Variants in FRMD6 observed in about 807,000 individuals in gnomAD.
FRMD6 encodes FERM domain-containing protein 6.
Under a neutral mutation model 73.2 loss-of-function variants are expected in FRMD6, and 37 were observed. The ratio of observed to expected loss-of-function variants is 0.51; its 90% confidence interval spans 0.39 to 0.66. The LOEUF (loss-of-function observed/expected upper bound fraction) is 0.66, where lower values mean the gene tolerates loss of function less well. Among genes scored for constraint, FRMD6 ranks in the 30% least tolerant of loss-of-function variants. The pLI, the probability that FRMD6 is intolerant of heterozygous loss-of-function variation, is 0.00. For missense variants in FRMD6, 714 were observed against 780.5 expected (o/e 0.91, Z 1.02); for synonymous variants, 273 against 282.2 (o/e 0.97, Z 0.33).
intron 2 of FRMD6, among the ~76,000 whole-genome samples, chr14:51,607,786 C>G (rs1406023740): frequency 2.6e-5 from 4 of 152,204 alleles, no homozygotes; most frequent in African/African-American, 9.7e-5. Flanking sequence ...AACAAGTCAC[C>G]GGCCTTCCGG....
intron 9 of FRMD6, 90 bp from the exon 10 acceptor site, chr14:51,715,235 A>G (rs1897173930): frequency 2.0e-6 from 2 of 984,012 alleles, no homozygotes; most frequent in Non-Finnish European, 1.5e-6. Context: ...TTCAGAATCT[A>G]TAATTTTCCT....
chr14:51,674,547 G>A (rs1009383113), intron 1 of FRMD6, among the ~76,000 whole-genome samples: 1 of 152,076 alleles, frequency 6.6e-6, no homozygotes, highest in Non-Finnish European at 1.5e-5. Context: ...ATATGAAAAA[G>A]CAGTGCTGAG....
At chr14:51,476,450 G>A in the FRMD6 span, among the ~76,000 whole-genome samples, 1 of 152,122 alleles carries the variant, frequency 6.6e-6, no homozygotes, top group Non-Finnish European at 1.5e-5. Context: ...TTTGAAAACA[G>A]GTAGAAACTA....
the FRMD6 span, among the ~76,000 whole-genome samples, chr14:51,405,686 T>C: frequency 1.4e-4 from 21 of 152,274 alleles, no homozygotes; most frequent in African/African-American, 4.6e-4. Context: ...TGTATATTTG[T>C]TTTCTCTTGT....
chr14:51,704,376 C>T lies in FRMD6; in HGVS notation c.372-373C>T, dbSNP rs527472891. 7.2e-5 allele frequency among the ~76,000 whole-genome samples: 11 copies of T among 152,218 alleles called. 1 individual carries two copies. In the South Asian group the frequency reaches 2.1e-3, roughly 29 times the overall value. On this transcript the variant is annotated intron_variant, in intron 5 of 13. Coordinates refer to ENST00000344768, the MANE Select transcript of FRMD6 (RefSeq NM_001267046.2). ...TTCCTTATTTATGTCACGTGTGTAG[C>T]ATCATTGTAGCAACATTAGTACAGA...
chr14:51,417,434 G>A, the FRMD6 span, among the ~76,000 whole-genome samples: 1 of 152,292 alleles, frequency 6.6e-6, no homozygotes, highest in East Asian at 1.9e-4. Context: ...TGGATATGCA[G>A]TTCTGGGTTG....
intron 2 of FRMD6, among the ~76,000 whole-genome samples, chr14:51,618,888 ATAT>A (rs1890812787): frequency 6.7e-6 from 1 of 149,538 alleles, no homozygotes; most frequent in Admixed American, 6.7e-5. Context: ...TGATGAATAT[ATAT>A]TATTATATAT....
At chr14:51,682,365 G>GTT (rs1306985510) in intron 1 of FRMD6, among the ~76,000 whole-genome samples, 1 of 141,234 alleles carries the variant, frequency 7.1e-6, no homozygotes, top group East Asian at 2.1e-4. Flanking sequence ...GCAGTTTTTT[G>GTT]TTTTTTTTTT....
chr14:51,608,980 C>G (rs927755696), intron 2 of FRMD6, among the ~76,000 whole-genome samples: 10 of 152,162 alleles, frequency 6.6e-5, no homozygotes, highest in African/African-American at 2.4e-4. Flanking sequence ...GGTGGCTTCT[C>G]TACTTTCTGG....
the FRMD6 span, among the ~76,000 whole-genome samples, chr14:51,409,270 C>G: frequency 6.6e-6 from 1 of 151,990 alleles, no homozygotes; most frequent in South Asian, 2.1e-4. Flanking sequence ...TTGACAAATC[C>G]CTCAGAGCAA....
At chr14:51,612,378 C>T (rs1196176258) in intron 2 of FRMD6, among the ~76,000 whole-genome samples, 1 of 152,188 alleles carries the variant, frequency 6.6e-6, no homozygotes, top group Non-Finnish European at 1.5e-5. Flanking sequence ...ATCATTGCTT[C>T]TGTTGAATAA....
chr14:51,479,278 ATT>A, the FRMD6 span, among the ~76,000 whole-genome samples: 1 of 152,226 alleles, frequency 6.6e-6, no homozygotes, highest in Non-Finnish European at 1.5e-5. Flanking sequence ...TTATGCGCAC[ATT>A]GTACAAACAT....
Position 51,721,992 on chromosome 14 carries a change from G to T in FRMD6, c.1404G>T (p.Met468Ile), listed in dbSNP as rs765851775. ...LVDDPRDLEQ[M>I]NEESLEVSPD... Reference sequence around the variant, plus strand: ...ATGACCCCCGGGATCTGGAGCAGATGAATGAAGAGTCTCTGGAAGTCAGCC... The same window carrying T: ...ATGACCCCCGGGATCTGGAGCAGATTAATGAAGAGTCTCTGGAAGTCAGCC... The change falls in exon 12 of 14, where the codon ATG becomes ATT. Residue 468 changes from methionine to isoleucine, a missense_variant. Met to Ile is a conservative substitution (Grantham distance 10, BLOSUM62 1). Coordinates refer to ENST00000344768, the MANE Select transcript of FRMD6 (RefSeq NM_001267046.2). The T allele has an allele frequency of 6.2e-7, 1 of 1,614,140 alleles. No homozygotes were observed. Among genetic ancestry groups the T allele is most frequent in the South Asian group, 1.1e-5 (1 of 91,080 alleles).
chr14:51,707,181 A>C (rs192231829), intron 6 of FRMD6, among the ~76,000 whole-genome samples: 1 of 152,166 alleles, frequency 6.6e-6, no homozygotes, highest in Non-Finnish European at 1.5e-5. Context: ...GGAAAGAAAA[A>C]TCTGTGTAAC....
chr14:51,411,914 A>G, the FRMD6 span, among the ~76,000 whole-genome samples: 2 of 152,228 alleles, frequency 1.3e-5, no homozygotes, highest in South Asian at 2.1e-4. Context: ...AAAGGAAAGC[A>G]TGCTCAATTT....
chr14:51,426,714 C>T, the FRMD6 span, among the ~76,000 whole-genome samples: 1 of 152,274 alleles, frequency 6.6e-6, no homozygotes, highest in Admixed American at 6.5e-5. Context: ...GTTTAAGACC[C>T]TTCTCGTTCT....
intron 1 of FRMD6, among the ~76,000 whole-genome samples, chr14:51,543,638 A>G (rs1197912300): frequency 6.6e-6 from 1 of 152,044 alleles, no homozygotes; most frequent in Non-Finnish European, 1.5e-5. Flanking sequence ...CTTGCAGGAC[A>G]CAAGAACATA....
chr14:51,504,765 T>C (rs1235648480), intron 1 of FRMD6, among the ~76,000 whole-genome samples: 1 of 152,200 alleles, frequency 6.6e-6, no homozygotes, highest in African/African-American at 2.4e-5. Flanking sequence ...TTCCATGTTG[T>C]GGCACAGCAG....
chr14:51,550,579 G>C (rs1427063421), intron 1 of FRMD6, among the ~76,000 whole-genome samples: 1 of 64,952 alleles, frequency 1.5e-5, no homozygotes, highest in African/African-American at 6.5e-5. Context: ...CTTGGGAGGA[G>C]ACCCCCCCGC....
Sources: allele counts gnomAD v4.1 joint callset (sites outside exome capture counted in the v4.1 genomes callset), GRCh38; gene constraint gnomAD v4.1.1; transcripts MANE v1.5; gene names NCBI Gene and HGNC (gene_info 2026-07-23, HGNC 2026-07-21).